The following DYRK1A variants were observed in gnomAD, a reference collection of about 807,000 sequenced individuals.
DYRK1A encodes dual specificity tyrosine phosphorylation regulated kinase 1A.
In DYRK1A, 9 loss-of-function variants were observed where a neutral mutation model predicts 79.7. The ratio of observed to expected loss-of-function variants is 0.11; its 90% CI spans 0.07 to 0.20. DYRK1A has a LOEUF of 0.20. DYRK1A is among the 10% of genes least tolerant of loss of function. DYRK1A has a pLI of 1.00. For synonymous variants in DYRK1A, 349 were observed against 329.7 expected (o/e 1.06, Z -0.63); for missense variants, 622 against 956.0 (o/e 0.65, Z 4.61).
chr21:37,461,892 T>G (rs1199681981), intron 2 of DYRK1A, among the ~76,000 whole-genome samples: 1 of 151,904 alleles, frequency 6.6e-6, no homozygotes, highest in Non-Finnish European at 1.5e-5. Flanking sequence ...TGTTTTCAGT[T>G]TGGTTAATTT....
chr21:37,452,624 A>G (rs1404624880), intron 2 of DYRK1A, among the ~76,000 whole-genome samples: 2 of 151,978 alleles, frequency 1.3e-5, no homozygotes, highest in South Asian at 2.1e-4. Context: ...GAGGAAACCT[A>G]TTTGCCTTCC....
intron 6 of DYRK1A, chr21:37,487,430 T>C (rs1027895504): frequency 3.3e-5 from 5 of 152,192 alleles, no homozygotes; most frequent in Non-Finnish European, 7.4e-5. Flanking sequence ...TTTCGCAGTA[T>C]TTTTTAATCA....
chr21:37,483,596 T>C (rs781221578), intron 5 of DYRK1A, among the ~76,000 whole-genome samples: 1 of 152,130 alleles, frequency 6.6e-6, no homozygotes. Context: ...TGTTTTGTTT[T>C]TTAAGAGACA....
chr21:37,459,684 G>A (rs190325709), intron 2 of DYRK1A, among the ~76,000 whole-genome samples: 2 of 152,218 alleles, frequency 1.3e-5, no homozygotes, highest in East Asian at 1.9e-4. Context: ...TTCTGTTTTC[G>A]TATTGAGACA....
At chr21:37,389,459 C>T (rs1220374688) in intron 1 of DYRK1A, among the ~76,000 whole-genome samples, 2 of 152,148 alleles carry the variant, frequency 1.3e-5, no homozygotes, top group Admixed American at 6.6e-5. Flanking sequence ...AGCTACTGTG[C>T]TGCCTTAAAA....
At chr21:37,391,818 C>T (rs190286332) in intron 1 of DYRK1A, among the ~76,000 whole-genome samples, 1 of 152,242 alleles carries the variant, frequency 6.6e-6, no homozygotes, top group Non-Finnish European at 1.5e-5. Context: ...GGCTCCTCTT[C>T]AGCTTTGCCT....
intron 1 of DYRK1A, chr21:37,410,709 C>T (rs905646867): frequency 6.6e-6 from 1 of 152,078 alleles, no homozygotes; most frequent in Non-Finnish European, 1.5e-5. Flanking sequence ...GATGTTAATT[C>T]CAGTTTTCTC....
Position 37,458,268 on chromosome 21 carries a change from C to CTCTGTGTGTG in DYRK1A, c.11-14415_11-14414insCTGTGTGTGT, listed in dbSNP as rs10635582. 9.2e-4 allele frequency among the ~76,000 whole-genome samples: 120 copies of CTCTGTGTGTG among 130,586 alleles called. 1 individual carries two copies. The highest frequency in any genetic ancestry group is 4.0e-3 in the Middle Eastern group (1 of 252). The allele number at this position is 130,586 out of a possible 152,430, so 85.7% of individuals were successfully genotyped here. Reference sequence around the variant, plus strand: ...TAGGGGAGGGCATCTGGGTAATTTACTGTGTGTGTGTGTGTGTGTGTGTGT... The same window carrying CTCTGTGTGTG: ...TAGGGGAGGGCATCTGGGTAATTTACTCTGTGTGTGTGTGTGTGTGTGTGTGTGTGTGTGT... On this transcript the variant is annotated intron_variant, in intron 2 of 11. Coordinates refer to ENST00000647188, the MANE Select transcript of DYRK1A (RefSeq NM_001347721.2).
At chr21:37,432,428 A>G (rs767093529) in intron 2 of DYRK1A, among the ~76,000 whole-genome samples, 9 of 152,216 alleles carry the variant, frequency 5.9e-5, no homozygotes, top group Non-Finnish European at 1.2e-4. Flanking sequence ...TACTTGGCTT[A>G]ACGTTTTTAT....
chr21:37,371,286 G>A (rs950210862), intron 1 of DYRK1A, among the ~76,000 whole-genome samples: 5 of 152,124 alleles, frequency 3.3e-5, no homozygotes, highest in African/African-American at 1.2e-4. Flanking sequence ...GGTAATTGAA[G>A]AAAGATCTTA....
At chr21:37,492,054 T>C (rs2053115170) in intron 7 of DYRK1A, among the ~76,000 whole-genome samples, 1 of 152,192 alleles carries the variant, frequency 6.6e-6, no homozygotes, top group Admixed American at 6.5e-5. Flanking sequence ...TGGCATAAGC[T>C]GTGAAATAAA....
chr21:37,430,239 A>G, intron 2 of DYRK1A: 1 of 932,160 alleles, frequency 1.1e-6, no homozygotes, highest in Non-Finnish European at 1.3e-6. Flanking sequence ...TCTTTCTTTC[A>G]CTTAATTGAA....
chr21:37,458,593 C>G (rs1239717520), intron 2 of DYRK1A, among the ~76,000 whole-genome samples: 1 of 151,952 alleles, frequency 6.6e-6, no homozygotes, highest in Non-Finnish European at 1.5e-5. Flanking sequence ...TGTAAGAAGA[C>G]CGGGTTATTT....
chr21:37,393,986 A>G (rs777999245), intron 1 of DYRK1A, among the ~76,000 whole-genome samples: 41 of 152,290 alleles, frequency 2.7e-4, no homozygotes, highest in Admixed American at 3.9e-4. Context: ...TCTGTAGGCC[A>G]GAAGCAAGCC....
At chr21:37,425,081 T>C (rs966514091) in intron 2 of DYRK1A, among the ~76,000 whole-genome samples, 7 of 152,170 alleles carry the variant, frequency 4.6e-5, no homozygotes, top group East Asian at 1.9e-4. Context: ...GTTTGGAGTC[T>C]GTCTTTCTAG....
At chr21:37,389,019 C>CA (rs1207277383) in intron 1 of DYRK1A, among the ~76,000 whole-genome samples, 95 of 146,888 alleles carry the variant, frequency 6.5e-4, no homozygotes, top group Non-Finnish European at 1.1e-3. Context: ...GTGCAGTGGC[C>CA]AAAAAAAAGC....
intron 2 of DYRK1A, among the ~76,000 whole-genome samples, chr21:37,428,076 G>A (rs2050677076): frequency 1.3e-5 from 2 of 152,136 alleles, no homozygotes; most frequent in Non-Finnish European, 2.9e-5. Flanking sequence ...CCCAGACAGA[G>A]GTTCGGTAGC....
At chr21:37,450,690 G>C (rs531835946) in intron 2 of DYRK1A, among the ~76,000 whole-genome samples, 6 of 152,326 alleles carry the variant, frequency 3.9e-5, no homozygotes, top group Non-Finnish European at 8.8e-5. Context: ...AGCCTGGGCA[G>C]AGAGTGTTGG....
chr21:37,476,127 A>G (rs915893692), intron 3 of DYRK1A, among the ~76,000 whole-genome samples: 1 of 152,174 alleles, frequency 6.6e-6, no homozygotes, highest in Non-Finnish European at 1.5e-5. Flanking sequence ...TTCAGCTACA[A>G]TATTATAGTA....
Sources: gnomAD v4.1 joint callset for allele counts (sites outside exome capture counted in the v4.1 genomes callset) on GRCh38, gnomAD v4.1.1 for gene constraint, MANE v1.5 for transcripts, NCBI Gene and HGNC (gene_info 2026-07-23, HGNC 2026-07-21) for gene names.